The following CSNK2A2IP variants were observed in gnomAD, a reference collection of about 807,000 sequenced individuals.
CSNK2A2IP encodes casein kinase II subunit alpha'-interacting protein.
chr3:88,403,975 C>T, the CSNK2A2IP span, among the ~76,000 whole-genome samples: 2 of 151,976 alleles, frequency 1.3e-5, no homozygotes, highest in Non-Finnish European at 2.9e-5. Context: ...AGATTCAATT[C>T]TTTTCTGATA....
the CSNK2A2IP span, among the ~76,000 whole-genome samples, chr3:88,427,424 A>C: frequency 1.3e-5 from 2 of 152,250 alleles, no homozygotes; most frequent in African/African-American, 4.8e-5. Context: ...AGAAATTTGC[A>C]TAAGTAACAA....
chr3:88,405,403 G>C, the CSNK2A2IP span, among the ~76,000 whole-genome samples: 2 of 152,122 alleles, frequency 1.3e-5, no homozygotes, highest in Admixed American at 1.3e-4. Flanking sequence ...CAGGAGATCA[G>C]AGGAAGGGGA....
the CSNK2A2IP span, among the ~76,000 whole-genome samples, chr3:88,438,586 T>C: frequency 6.6e-6 from 1 of 152,178 alleles, no homozygotes; most frequent in Non-Finnish European, 1.5e-5. Context: ...ATACCTACGA[T>C]GAAGGAAGAC....
chr3:88,417,953 C>T, the CSNK2A2IP span, among the ~76,000 whole-genome samples: 2 of 152,030 alleles, frequency 1.3e-5, no homozygotes, highest in East Asian at 1.9e-4. Flanking sequence ...GTACTTGGGA[C>T]CTAAAAGAAA....
chr3:88,356,414 T>C, the CSNK2A2IP span, among the ~76,000 whole-genome samples: 33 of 152,178 alleles, frequency 2.2e-4, no homozygotes, highest in Admixed American at 6.6e-5. Context: ...TCCATGTTGC[T>C]GCAAATGACA....
the CSNK2A2IP span, among the ~76,000 whole-genome samples, chr3:88,446,718 G>A: frequency 6.6e-6 from 1 of 152,176 alleles, no homozygotes; most frequent in African/African-American, 2.4e-5. Context: ...ATGAGATGGT[G>A]AATGTGAGAA....
the CSNK2A2IP span, among the ~76,000 whole-genome samples, chr3:88,408,457 G>T: frequency 6.6e-6 from 1 of 152,034 alleles, no homozygotes; most frequent in Non-Finnish European, 1.5e-5. Flanking sequence ...AAAAAGGAGA[G>T]TAGAGATGTT....
chr3:88,363,782 C>T, the CSNK2A2IP span, among the ~76,000 whole-genome samples: 1 of 152,034 alleles, frequency 6.6e-6, no homozygotes, highest in African/African-American at 2.4e-5. Flanking sequence ...TTAATTTTTC[C>T]TCACCACTGA....
At chr3:88,458,174 G>A in the CSNK2A2IP span, among the ~76,000 whole-genome samples, 87 of 107,448 alleles carry the variant, frequency 8.1e-4, no homozygotes, top group Non-Finnish European at 1.3e-3. Flanking sequence ...TTTTTGAGAC[G>A]GAGTCTTGCT....
chr3:88,361,783 G>C, the CSNK2A2IP span, among the ~76,000 whole-genome samples: 1 of 151,848 alleles, frequency 6.6e-6, no homozygotes, highest in Non-Finnish European at 1.5e-5. Context: ...AACCTTGTAA[G>C]TATATTTCAT....
the CSNK2A2IP span, among the ~76,000 whole-genome samples, chr3:88,401,249 A>G: frequency 2.0e-5 from 3 of 152,148 alleles, no homozygotes; most frequent in African/African-American, 7.2e-5. Flanking sequence ...TAAAGAATTA[A>G]TTCTGATAAT....
the CSNK2A2IP span, among the ~76,000 whole-genome samples, chr3:88,431,868 T>C: frequency 6.6e-6 from 1 of 152,236 alleles, no homozygotes; most frequent in East Asian, 1.9e-4. Flanking sequence ...ATATTGGTTA[T>C]ATGACTCAGG....
the CSNK2A2IP span, among the ~76,000 whole-genome samples, chr3:88,367,006 A>G: frequency 6.6e-6 from 1 of 152,042 alleles, no homozygotes; most frequent in African/African-American, 2.4e-5. Context: ...TATAGGGGAA[A>G]CCGCCACCAT....
the CSNK2A2IP span, among the ~76,000 whole-genome samples, chr3:88,419,805 T>C: frequency 6.6e-6 from 1 of 152,180 alleles, no homozygotes; most frequent in Non-Finnish European, 1.5e-5. Context: ...CAATTATAAA[T>C]TTATAAATCC....
chr3:88,399,636 C>T, the CSNK2A2IP span: 1 of 152,170 alleles, frequency 6.6e-6, no homozygotes, highest in Non-Finnish European at 1.5e-5. Context: ...GGCACACAGG[C>T]CTGAGACTGG....
the CSNK2A2IP span, among the ~76,000 whole-genome samples, chr3:88,419,186 A>G: frequency 6.6e-6 from 1 of 152,182 alleles, no homozygotes; most frequent in Non-Finnish European, 1.5e-5. Flanking sequence ...CATAAAGTGC[A>G]CAATAAATGT....
At chr3:88,361,324 G>T in the CSNK2A2IP span, among the ~76,000 whole-genome samples, 1 of 152,070 alleles carries the variant, frequency 6.6e-6, no homozygotes, top group South Asian at 2.1e-4. Flanking sequence ...CTCAGCTTTT[G>T]TTTGTCTGGG....
the CSNK2A2IP span, among the ~76,000 whole-genome samples, chr3:88,416,151 G>A: frequency 1.3e-5 from 2 of 151,620 alleles, no homozygotes; most frequent in African/African-American, 4.9e-5. Flanking sequence ...CGCGCCTGTA[G>A]TCCTAGCTAC....
chr3:88,359,971 C>A, the CSNK2A2IP span, among the ~76,000 whole-genome samples: 6 of 151,996 alleles, frequency 3.9e-5, no homozygotes, highest in African/African-American at 1.5e-4. Flanking sequence ...TTGAAGTCCC[C>A]AACTATTATT....
Sources: allele counts gnomAD v4.1 joint callset (sites outside exome capture counted in the v4.1 genomes callset), GRCh38; gene constraint gnomAD v4.1.1; transcripts MANE v1.5; gene names NCBI Gene and HGNC (gene_info 2026-07-23, HGNC 2026-07-21).